Variants in TBC1D12 observed in about 807,000 individuals in gnomAD.
TBC1D12 encodes the protein TBC1 domain family, member 12.
A neutral mutation model predicts 86.7 loss-of-function variants in TBC1D12; 56 were observed. The observed-to-expected ratio is 0.65, with a 90% confidence interval of 0.52 to 0.81. The LOEUF is 0.81. Among genes scored for constraint, TBC1D12 ranks in the 30% least tolerant of loss-of-function variants. TBC1D12 has a pLI of 0.00. For missense variants in TBC1D12, 1,023 were observed against 1,038.8 expected, an observed-to-expected ratio of 0.98 and a Z score of 0.21; for synonymous variants, 421 against 411.7, an observed-to-expected ratio of 1.02 and a Z score of -0.27.
At chr10:94,420,151 G>C (rs1257910259) in intron 1 of TBC1D12, among the ~76,000 whole-genome samples, 2 of 152,108 alleles carry the variant, frequency 1.3e-5, no homozygotes, top group Admixed American at 6.5e-5. Context: ...GGACTCTAAT[G>C]ATGGGATTAA....
At chr10:94,524,441 A>G (rs1274477614) in intron 11 of TBC1D12, among the ~76,000 whole-genome samples, 1 of 152,210 alleles carries the variant, frequency 6.6e-6, no homozygotes, top group Non-Finnish European at 1.5e-5. Flanking sequence ...GAACAACCAC[A>G]TAAGATATGT....
chr10:94,475,500 A>C (rs1294638838), intron 3 of TBC1D12, among the ~76,000 whole-genome samples: 1 of 152,154 alleles, frequency 6.6e-6, no homozygotes, highest in African/African-American at 2.4e-5. Flanking sequence ...GTGCGATCTC[A>C]GCTCACTACA....
intron 6 of TBC1D12, among the ~76,000 whole-genome samples, chr10:94,503,326 G>GA (rs1469258336): frequency 6.6e-6 from 1 of 152,196 alleles, no homozygotes; most frequent in Non-Finnish European, 1.5e-5. Flanking sequence ...GAGGATGACT[G>GA]AAAATCATTC....
chr10:94,405,099 TTTCTTCTTC>T (rs780701773), intron 1 of TBC1D12, among the ~76,000 whole-genome samples: 2 of 151,298 alleles, frequency 1.3e-5, no homozygotes, highest in South Asian at 4.1e-4. Flanking sequence ...GACACGCCTT[TTTCTTCTTC>T]TTCTTCTTCT....
At chr10:94,510,594 T>A (rs2134205506) in intron 8 of TBC1D12, among the ~76,000 whole-genome samples, 1 of 152,368 alleles carries the variant, frequency 6.6e-6, no homozygotes, top group East Asian at 1.9e-4. Flanking sequence ...TAGGCTATTA[T>A]GAAGTTGCTT....
intron 3 of TBC1D12, among the ~76,000 whole-genome samples, chr10:94,486,846 A>G (rs2056169975): frequency 6.6e-6 from 1 of 152,198 alleles, no homozygotes; most frequent in African/African-American, 2.4e-5. Flanking sequence ...AGAGCAAATT[A>G]AGTCCAATGT....
intron 2 of TBC1D12, among the ~76,000 whole-genome samples, chr10:94,450,888 T>C (rs2055539803): frequency 6.6e-6 from 1 of 152,074 alleles, no homozygotes; most frequent in African/African-American, 2.4e-5. Flanking sequence ...TGGAGGACAT[T>C]ATGTTAAGTG....
Position 94,441,899 on chromosome 10 carries a change from C to A in TBC1D12, c.975C>A (p.Asn325Lys). The A allele has an allele frequency of 6.2e-7, 1 of 1,609,918 alleles. No homozygotes were observed. Reference protein sequence around the residue: ...SGGFADFFTRNLFPKRTKELK... With the variant: ...SGGFADFFTRKLFPKRTKELK... ...ATGTAACTTTTCTGTGTTTCAGAAA[C>A]CTTTTTCCAAAAAGGACAAAGGAAC... Residue 325 changes from asparagine (N) to lysine (K), a missense_variant, in exon 2 of 13, where the codon AAC (asparagine) becomes AAA (lysine). By Grantham distance (94) the Asn-to-Lys change is moderately conservative. Around this residue, in one of 2 missense-constraint regions of TBC1D12, gnomAD observed 628 missense variants for 531.1 expected, o/e 1.18. Coordinates refer to ENST00000225235, the MANE Select transcript of TBC1D12 (RefSeq NM_015188.2).
chr10:94,429,967 C>T (rs563788326), intron 1 of TBC1D12, among the ~76,000 whole-genome samples: 14 of 152,264 alleles, frequency 9.2e-5, no homozygotes, highest in Admixed American at 6.5e-4. Flanking sequence ...AACTCTTGGA[C>T]GCAAGATACC....
rs902762639 is a variant in TBC1D12, at chr10:94,402,731, G to A, written c.118G>A (p.Gly40Ser). The part of the protein sequence containing the change: ...RKVIRATGGF[G>S]GGVGAVEPPE... ...GGTAATCCGGGCCACGGGCGGCTTT[G>A]GCGGAGGCGTCGGCGCTGTGGAGCC... The change falls in exon 1 of 13, where the codon GGC becomes AGC. Residue 40 changes from glycine (G) to serine (S), a missense_variant. By Grantham distance (56) the Gly-to-Ser change is moderately conservative. Transcript: ENST00000225235. 1 of 1,565,492 alleles carries A rather than the reference G, an allele frequency of 6.4e-7. No individual in the cohort carries two copies. Among genetic ancestry groups the A allele is most frequent in the African/African-American group, 1.4e-5 (1 of 73,670 alleles).
chr10:94,439,735 A>G (rs1455882585), intron 1 of TBC1D12, among the ~76,000 whole-genome samples: 2 of 152,236 alleles, frequency 1.3e-5, no homozygotes, highest in Non-Finnish European at 2.9e-5. Flanking sequence ...AAATGATTAA[A>G]GGAATTTTTT....
At chr10:94,507,402 A>G in intron 7 of TBC1D12, 55 bp downstream of exon 7, 1 of 1,422,858 alleles carries the variant, frequency 7.0e-7, no homozygotes, top group Non-Finnish European at 9.7e-7. Flanking sequence ...GATACTGAGC[A>G]TGTATCAGAA....
Position 94,474,746 on chromosome 10 carries a change from C to G in TBC1D12, c.1174C>G (p.Leu392Val). 1.2e-6 allele frequency: 2 copies of G among 1,614,132 alleles called. No individual in the cohort carries two copies. Among genetic ancestry groups the G allele is most frequent in the Non-Finnish European group, 1.7e-6 (2 of 1,180,024 alleles). The change falls in exon 3 of 13, where the codon CTT (leucine) becomes GTT (valine). Residue 392 changes from leucine (L) to valine (V), a missense_variant. This residue lies in a region of TBC1D12 where 395 missense variants were observed against 507.7 expected (regional missense o/e 0.78). Transcript: ENST00000225235. ...ACGCAAGAATTTTGAATTTGAGCCG[C>G]TTTCTACCACTGCCTTGATTCTTGA... The part of the protein sequence containing the change: ...SRRKNFEFEP[L>V]STTALILEDR...
At chr10:94,506,529 ATAGT>A (rs751838584) in intron 6 of TBC1D12, among the ~76,000 whole-genome samples, 9 of 152,136 alleles carry the variant, frequency 5.9e-5, no homozygotes, top group Non-Finnish European at 1.3e-4. Flanking sequence ...AATATCTGCA[ATAGT>A]TAGTTACAAA....
intron 2 of TBC1D12, among the ~76,000 whole-genome samples, chr10:94,470,810 G>A (rs891322023): frequency 7.1e-6 from 1 of 140,960 alleles, no homozygotes; most frequent in Non-Finnish European, 1.5e-5. Context: ...AAGTTATTTT[G>A]ATATGGAAAT....
intron 3 of TBC1D12, among the ~76,000 whole-genome samples, chr10:94,482,757 T>C (rs1385133292): frequency 6.6e-6 from 1 of 152,092 alleles, no homozygotes; most frequent in Non-Finnish European, 1.5e-5. Context: ...GCCCATTCTT[T>C]CTATTTTTTA....
chr10:94,436,357 A>C (rs2055296930), intron 1 of TBC1D12, among the ~76,000 whole-genome samples: 1 of 151,780 alleles, frequency 6.6e-6, no homozygotes, highest in Admixed American at 6.6e-5. Context: ...GATGGTCTCG[A>C]TCTCTTGACC....
chr10:94,488,627 A>G (rs2056203598), intron 3 of TBC1D12, among the ~76,000 whole-genome samples: 1 of 151,248 alleles, frequency 6.6e-6, no homozygotes, highest in Non-Finnish European at 1.5e-5. Flanking sequence ...CCTGACCTCA[A>G]GTGATTTGCC....
At chr10:94,476,389 G>T (rs2055989129) in intron 3 of TBC1D12, among the ~76,000 whole-genome samples, 1 of 152,020 alleles carries the variant, frequency 6.6e-6, no homozygotes, top group African/African-American at 2.4e-5. Flanking sequence ...GTTTATAATT[G>T]TCTTTTCATT....
Sources: gnomAD v4.1 joint callset for allele counts (sites outside exome capture counted in the v4.1 genomes callset) on GRCh38, gnomAD v4.1.1 for gene constraint, gnomAD v4.1.1 regional missense constraint, MANE v1.5 for transcripts, NCBI Gene and HGNC (gene_info 2026-07-23, HGNC 2026-07-21) for gene names.